The following NDEL1 variants were observed in gnomAD, a reference collection of about 807,000 sequenced individuals.
The protein encoded by NDEL1 is nuclear distribution protein nudE-like 1.
A neutral mutation model predicts 45.7 loss-of-function variants in NDEL1; 9 were observed. The ratio of observed to expected loss-of-function variants is 0.20; its 90% CI spans 0.12 to 0.34. The LOEUF (loss-of-function observed/expected upper bound fraction) is 0.34. Ranked by LOEUF, NDEL1 falls within the 10% of genes least tolerant of loss-of-function variation. NDEL1 has a pLI of 1.00. For missense variants in NDEL1, 306 were observed against 406.2 expected (o/e 0.75, Z 2.12); for synonymous variants, 133 against 158.6 (o/e 0.84, Z 1.21).
At chr17:8,446,246 T>C (rs1382988444) in intron 3 of NDEL1, among the ~76,000 whole-genome samples, 1 of 152,224 alleles carries the variant, frequency 6.6e-6, no homozygotes, top group African/African-American at 2.4e-5. Context: ...CCTTTCAGTT[T>C]TGGAGTTTAG....
intron 1 of NDEL1, among the ~76,000 whole-genome samples, chr17:8,437,832 T>A (rs1430458069): frequency 6.6e-6 from 1 of 152,056 alleles, no homozygotes; most frequent in Non-Finnish European, 1.5e-5. Context: ...ATGAGTTGAT[T>A]GTTGCTAGAT....
downstream of NDEL1, among the ~76,000 whole-genome samples, chr17:8,470,041 T>C (rs1911798929): frequency 6.6e-6 from 1 of 152,012 alleles, no homozygotes; most frequent in African/African-American, 2.4e-5. The surrounding 1 kb of genome is among the most constrained non-coding windows in gnomAD (Gnocchi z 4.2). Flanking sequence ...CTAGCAGCTC[T>C]TGGCAAATGA....
At chr17:8,454,386 A>G (rs1356094249) in intron 6 of NDEL1, among the ~76,000 whole-genome samples, 1 of 152,170 alleles carries the variant, frequency 6.6e-6, no homozygotes, top group Non-Finnish European at 1.5e-5. Context: ...TTGTCAAAAA[A>G]AAAAAAGATA....
chr17:8,469,796 C>T (rs1317434334), downstream of NDEL1, among the ~76,000 whole-genome samples: 6 of 151,030 alleles, frequency 4.0e-5, no homozygotes, highest in African/African-American at 7.3e-5. Context: ...CTCCACCTCC[C>T]GGGTTCCAGC....
chr17:8,418,114 G>T (rs987197090), intron 1 of NDEL1, among the ~76,000 whole-genome samples: 1 of 152,168 alleles, frequency 6.6e-6, no homozygotes, highest in Admixed American at 6.5e-5. Context: ...GATCTACTGC[G>T]TCAGCTGTCG....
upstream of NDEL1, among the ~76,000 whole-genome samples, chr17:8,433,431 A>C (rs2151701091): frequency 6.6e-6 from 1 of 152,292 alleles, no homozygotes; most frequent in East Asian, 1.9e-4. Context: ...AAAATGAATT[A>C]TCCATTTGTA....
At chr17:8,472,345 C>T (rs901066982), downstream of NDEL1, among the ~76,000 whole-genome samples, 1 of 152,152 alleles carries the variant, frequency 6.6e-6, no homozygotes, top group African/African-American at 2.4e-5. Context: ...AGTGTCCCCT[C>T]AAGCCAGCAG....
intron 1 of NDEL1, 80 bp from the exon 2 acceptor site, chr17:8,444,180 C>A: frequency 2.3e-6 from 2 of 860,180 alleles, no homozygotes; most frequent in Non-Finnish European, 3.9e-6. Flanking sequence ...TGCTGCAGTT[C>A]AGTGTTGTCC....
chr17:8,450,711 A>G, intron 5 of NDEL1, 69 bp from the exon 6 acceptor site: 18 of 1,340,484 alleles, frequency 1.3e-5, no homozygotes, highest in Non-Finnish European at 1.7e-5. Context: ...GACATTTTAG[A>G]TGTCACTTTG....
intron 2 of NDEL1, 127 bp from the exon 3 acceptor site, chr17:8,445,582 TTG>T: frequency 4.3e-6 from 4 of 936,790 alleles, no homozygotes; most frequent in South Asian, 4.1e-5. Context: ...GCAAAACAGA[TTG>T]TCTTTAGTAT....
At chr17:8,444,511 T>A (rs1423358687) in intron 2 of NDEL1, 154 bp downstream of exon 2, 1 of 588,484 alleles carries the variant, frequency 1.7e-6, no homozygotes, top group Non-Finnish European at 3.0e-6. Context: ...ACATGGGTTG[T>A]ATTTAAATAG....
chr17:8,449,526 A>G (rs4577149), intron 5 of NDEL1, among the ~76,000 whole-genome samples: 62,866 of 152,042 alleles, frequency 0.41, 12,979 homozygotes, highest in South Asian at 0.45. Context: ...CAAAACTGAA[A>G]CTATACCTAT....
chr17:8,436,627 G>T, intron 1 of NDEL1: 1 of 152,340 alleles, frequency 6.6e-6, no homozygotes. Context: ...CAACGGGCTC[G>T]GGTTACTTGT....
intron 6 of NDEL1, among the ~76,000 whole-genome samples, chr17:8,452,937 C>G (rs1464316241): frequency 1.3e-5 from 2 of 151,900 alleles, no homozygotes; most frequent in Non-Finnish European, 2.9e-5. Context: ...TGGGGTTTCA[C>G]CATGTTGGTC....
chr17:8,436,061 G>A lies in NDEL1; in HGVS notation c.-13+16G>A. The A allele has an allele frequency of 2.3e-6, 1 of 427,978 alleles. No individual in the cohort carries two copies. Among genetic ancestry groups the A allele is most frequent in the Non-Finnish European group, 4.6e-6 (1 of 215,126 alleles). 26.5% of individuals were successfully genotyped at this position (427,978 alleles called of 1,614,324 possible). Reference sequence around the variant, plus strand: ...CACATTGGAGGTGAGCCTGCAGCGCGGGGCCGCTCCCTAAGGGGCTGCGCT... The same window carrying A: ...CACATTGGAGGTGAGCCTGCAGCGCAGGGCCGCTCCCTAAGGGGCTGCGCT... On this transcript the variant is annotated intron_variant, in intron 1 of 8. Coordinates refer to ENST00000334527, the MANE Select transcript of NDEL1 (RefSeq NM_030808.5).
chr17:8,415,104 C>T (rs541868946), intron 1 of NDEL1, among the ~76,000 whole-genome samples: 179 of 64,810 alleles, frequency 2.8e-3, no homozygotes, highest in African/African-American at 7.1e-3. Context: ...TCCTTTCTTC[C>T]TCCCTCCCTC....
intron 1 of NDEL1, among the ~76,000 whole-genome samples, chr17:8,438,139 A>G (rs1451510532): frequency 6.6e-6 from 1 of 152,040 alleles, no homozygotes; most frequent in Non-Finnish European, 1.5e-5. Context: ...TTGTATATTT[A>G]GTAGAGACAG....
intron 7 of NDEL1, among the ~76,000 whole-genome samples, chr17:8,458,350 A>T (rs1379929543): frequency 6.6e-6 from 1 of 151,970 alleles, no homozygotes; most frequent in Non-Finnish European, 1.5e-5. Flanking sequence ...CCATAGTTTC[A>T]TCCACCCCTG....
intron 5 of NDEL1, among the ~76,000 whole-genome samples, chr17:8,449,600 G>A (rs1910333979): frequency 6.6e-6 from 1 of 152,266 alleles, no homozygotes; most frequent in South Asian, 2.1e-4. Context: ...TATTTTCTAT[G>A]AGTTCAGCTA....
Sources: allele counts gnomAD v4.1 joint callset (sites outside exome capture counted in the v4.1 genomes callset), GRCh38; gene constraint gnomAD v4.1.1; non-coding constraint Gnocchi (gnomAD v3.1); transcripts MANE v1.5; gene names NCBI Gene and HGNC (gene_info 2026-07-23, HGNC 2026-07-21).